MEGF10: variants seen among roughly 807,000 people sequenced by gnomAD.
MEGF10 encodes multiple epidermal growth factor-like domains protein 10.
MEGF10 carries 86 observed loss-of-function variants against 147.5 expected under a neutral mutation model. The observed-to-expected ratio is 0.58, with a 90% CI of 0.49 to 0.70. The LOEUF (loss-of-function observed/expected upper bound fraction) is 0.70. Among genes scored for constraint, MEGF10 ranks in the 30% least tolerant of loss-of-function variants. The pLI, the probability that MEGF10 is intolerant of heterozygous loss-of-function variation, is 0.00. For synonymous variants in MEGF10, 478 were observed against 525.5 expected, an observed-to-expected ratio of 0.91 and a Z score of 1.24; for missense variants, 1,329 against 1,487.3, an observed-to-expected ratio of 0.89 and a Z score of 1.75.
At chr5:127,280,993 T>C in the MEGF10 span, among the ~76,000 whole-genome samples, 38 of 152,284 alleles carry the variant, frequency 2.5e-4, no homozygotes, top group African/African-American at 9.1e-4. Flanking sequence ...CAATGGAGAA[T>C]TCTTTTGGCA....
At chr5:127,233,690 G>A in the MEGF10 span, among the ~76,000 whole-genome samples, 1 of 152,130 alleles carries the variant, frequency 6.6e-6, no homozygotes, top group Non-Finnish European at 1.5e-5. Flanking sequence ...AAGATGAAAA[G>A]CAAAAAGAAA....
intron 1 of MEGF10, among the ~76,000 whole-genome samples, chr5:127,297,292 T>C (rs1251048124): frequency 6.6e-6 from 1 of 152,204 alleles, no homozygotes; most frequent in Admixed American, 6.5e-5. Context: ...ATTAGCTGTG[T>C]AGGGCATAGG....
chr5:127,280,733 A>G, the MEGF10 span, among the ~76,000 whole-genome samples: 14 of 152,190 alleles, frequency 9.2e-5, no homozygotes, highest in African/African-American at 3.4e-4. Flanking sequence ...GCCACTGGAG[A>G]AAGGAAAGAT....
chr5:127,239,152 G>A, the MEGF10 span, among the ~76,000 whole-genome samples: 1 of 151,972 alleles, frequency 6.6e-6, no homozygotes, highest in South Asian at 2.1e-4. Flanking sequence ...GCTGAGGAAC[G>A]CTTGAGATTG....
At chr5:127,270,533 C>G in the MEGF10 span, among the ~76,000 whole-genome samples, 1 of 152,202 alleles carries the variant, frequency 6.6e-6, no homozygotes, top group Non-Finnish European at 1.5e-5. Context: ...GAAGAGCTAA[C>G]TATCTTAAAT....
intron 5 of MEGF10, among the ~76,000 whole-genome samples, chr5:127,387,285 T>C (rs1412665806): frequency 2.6e-5 from 4 of 152,216 alleles, no homozygotes; most frequent in African/African-American, 9.6e-5. Flanking sequence ...TTTGTCTACC[T>C]GAAAACAAGA....
intron 13 of MEGF10, chr5:127,424,469 C>A: frequency 7.6e-7 from 1 of 1,316,590 alleles, no homozygotes; most frequent in Non-Finnish European, 1.0e-6. Flanking sequence ...GAATACTGTC[C>A]ACTTAACAAT....
the MEGF10 span, among the ~76,000 whole-genome samples, chr5:127,242,027 T>G: frequency 6.6e-6 from 1 of 152,170 alleles, no homozygotes. Context: ...ATAGATTACA[T>G]GACCCCAAAA....
intron 1 of MEGF10, among the ~76,000 whole-genome samples, chr5:127,318,469 G>A (rs1420926699): frequency 6.6e-6 from 1 of 152,130 alleles, no homozygotes; most frequent in Non-Finnish European, 1.5e-5. Context: ...TTAAATCATG[G>A]GAACATACCA....
At chr5:127,343,138 A>G (rs1761747519) in intron 4 of MEGF10, among the ~76,000 whole-genome samples, 1 of 152,084 alleles carries the variant, frequency 6.6e-6, no homozygotes, top group African/African-American at 2.4e-5. Flanking sequence ...CTTTTTTTCT[A>G]CCAAGTTTTG....
chr5:127,440,326 A>T (rs188383033), intron 17 of MEGF10, among the ~76,000 whole-genome samples: 15 of 152,366 alleles, frequency 9.8e-5, no homozygotes, highest in Admixed American at 7.8e-4. Flanking sequence ...CTGTACTACA[A>T]GTAAAAGCAT....
chr5:127,277,165 C>A, the MEGF10 span, among the ~76,000 whole-genome samples: 2 of 152,168 alleles, frequency 1.3e-5, no homozygotes, highest in East Asian at 3.8e-4. Context: ...GCTTCAGGAC[C>A]AAGGCACTCA....
At chr5:127,432,115 G>T (rs1765402340) in intron 13 of MEGF10, among the ~76,000 whole-genome samples, 1 of 152,120 alleles carries the variant, frequency 6.6e-6, no homozygotes. Context: ...AAAGTCTATT[G>T]TTGGGTCAAG....
At chr5:127,434,093 T>G (rs993140740) in intron 14 of MEGF10, among the ~76,000 whole-genome samples, 7 of 152,252 alleles carry the variant, frequency 4.6e-5, no homozygotes, top group African/African-American at 1.7e-4. Context: ...TATTCTAATT[T>G]TTTAAATTGC....
intron 17 of MEGF10, among the ~76,000 whole-genome samples, chr5:127,440,417 A>G (rs967871398): frequency 3.3e-5 from 5 of 152,208 alleles, no homozygotes; most frequent in African/African-American, 4.8e-5. Context: ...TGAAAGAATG[A>G]AAGGAAATGT....
chr5:127,260,134 G>A, the MEGF10 span, among the ~76,000 whole-genome samples: 2 of 151,980 alleles, frequency 1.3e-5, no homozygotes, highest in African/African-American at 4.8e-5. Context: ...TCCAGCCTGG[G>A]CAACAGAGTG....
At chr5:127,409,186 A>G (rs6866275) in intron 8 of MEGF10, among the ~76,000 whole-genome samples, 3,151 of 152,330 alleles carry the variant, frequency 0.021, 57 homozygotes, top group Middle Eastern at 0.079. Flanking sequence ...TTGTGGAAAC[A>G]CTATTTCTTT....
intron 4 of MEGF10, among the ~76,000 whole-genome samples, chr5:127,343,703 C>A (rs919803231): frequency 1.1e-4 from 16 of 152,060 alleles, no homozygotes; most frequent in African/African-American, 3.9e-4. Flanking sequence ...GTAATCCCAG[C>A]ACTTTGGGAG....
At chr5:127,447,301 G>A (rs1449446167) in intron 20 of MEGF10, among the ~76,000 whole-genome samples, 1 of 151,996 alleles carries the variant, frequency 6.6e-6, no homozygotes, top group Non-Finnish European at 1.5e-5. Context: ...TCAGCCTCCC[G>A]AGTAGCTGGG....
Sources: gnomAD v4.1 joint callset for allele counts (sites outside exome capture counted in the v4.1 genomes callset) on GRCh38, gnomAD v4.1.1 for gene constraint, MANE v1.5 for transcripts, NCBI Gene and HGNC (gene_info 2026-07-23, HGNC 2026-07-21) for gene names.